Variants in MARCHF4 observed in about 807,000 individuals in gnomAD.
The protein encoded by MARCHF4 is E3 ubiquitin-protein ligase MARCHF4.
A neutral mutation model predicts 43.9 loss-of-function variants in MARCHF4; 14 were observed. That is an observed-to-expected ratio of 0.32 (90% CI 0.21 to 0.50). MARCHF4 has a LOEUF of 0.50. Among genes scored for constraint, MARCHF4 ranks in the 20% least tolerant of loss-of-function variants. MARCHF4 has a pLI of 0.98. For synonymous variants in MARCHF4, 226 were observed against 213.3 expected, an observed-to-expected ratio of 1.06 and a Z score of -0.52; for missense variants, 468 against 536.7, an observed-to-expected ratio of 0.87 and a Z score of 1.27.
At chr2:216,349,540 A>C (rs1271875437) in intron 1 of MARCHF4, among the ~76,000 whole-genome samples, 1 of 152,194 alleles carries the variant, frequency 6.6e-6, no homozygotes, top group Non-Finnish European at 1.5e-5. Flanking sequence ...TGTGCTGCAG[A>C]AGCACAGCTG....
intron 1 of MARCHF4, among the ~76,000 whole-genome samples, chr2:216,336,033 ACT>A (rs2105971760): frequency 7.2e-6 from 1 of 139,566 alleles, no homozygotes; most frequent in East Asian, 2.3e-4. Flanking sequence ...GCACCACTGC[ACT>A]CTAGCCTGAG....
intron 1 of MARCHF4, among the ~76,000 whole-genome samples, chr2:216,286,653 G>A (rs966732439): frequency 1.3e-5 from 2 of 152,178 alleles, no homozygotes; most frequent in African/African-American, 2.4e-5. Context: ...CCAGAGAAAC[G>A]AGCTATTTTA....
intron 1 of MARCHF4, among the ~76,000 whole-genome samples, chr2:216,356,131 C>T (rs568027102): frequency 1.4e-4 from 22 of 152,332 alleles, no homozygotes; most frequent in African/African-American, 4.1e-4. Flanking sequence ...CTTCAGTGTG[C>T]GAAGGCACTT....
At chr2:216,356,939 C>T (rs534073024) in intron 1 of MARCHF4, among the ~76,000 whole-genome samples, 33 of 152,068 alleles carry the variant, frequency 2.2e-4, no homozygotes, top group African/African-American at 7.7e-4. Flanking sequence ...AGGAGAATTA[C>T]TTAAACCTGG....
At chr2:216,337,611 A>G (rs13407507) in intron 1 of MARCHF4, among the ~76,000 whole-genome samples, 2,799 of 152,314 alleles carry the variant, frequency 0.018, 83 homozygotes, top group African/African-American at 0.064. Flanking sequence ...ATTAGCTTAG[A>G]AGCCAGGACA....
intron 3 of MARCHF4, among the ~76,000 whole-genome samples, chr2:216,260,008 T>C (rs1690715888): frequency 6.6e-6 from 1 of 152,220 alleles, no homozygotes; most frequent in Non-Finnish European, 1.5e-5. Flanking sequence ...CTATTATGTA[T>C]CCATGGCACC....
chr2:216,320,673 TTC>T (rs1321880049), intron 1 of MARCHF4, among the ~76,000 whole-genome samples: 11 of 95,638 alleles, frequency 1.2e-4, no homozygotes, highest in African/African-American at 3.2e-4. Flanking sequence ...CTTTCTTTCT[TTC>T]TTTTTTTTTT....
chr2:216,364,203 C>CT (rs1692631042), intron 1 of MARCHF4, among the ~76,000 whole-genome samples: 1 of 152,068 alleles, frequency 6.6e-6, no homozygotes, highest in Admixed American at 6.6e-5. Flanking sequence ...TTTGACACCG[C>CT]TTTTTTCCTA....
chr2:216,260,158 T>C (rs1690717822), intron 3 of MARCHF4, among the ~76,000 whole-genome samples: 1 of 152,236 alleles, frequency 6.6e-6, no homozygotes, highest in African/African-American at 2.4e-5. Context: ...ACTACTGAGA[T>C]ACAAACAGCC....
chr2:216,357,051 C>T (rs1001095535), intron 1 of MARCHF4, among the ~76,000 whole-genome samples: 2 of 151,886 alleles, frequency 1.3e-5, no homozygotes, highest in Non-Finnish European at 2.9e-5. Flanking sequence ...AAAGATAGCA[C>T]AAAGATTTCT....
chr2:216,280,245 C>T (rs1406762107), intron 2 of MARCHF4, among the ~76,000 whole-genome samples: 1 of 151,960 alleles, frequency 6.6e-6, no homozygotes, highest in Non-Finnish European at 1.5e-5. Context: ...TACCAGGCTG[C>T]CACCAGATCC....
At chr2:216,298,080 T>A in intron 1 of MARCHF4, among the ~76,000 whole-genome samples, 1 of 152,184 alleles carries the variant, frequency 6.6e-6, no homozygotes, top group East Asian at 1.9e-4. Flanking sequence ...TGGGATTTGG[T>A]GACCCAACTT....
chr2:216,354,894 T>TCTTTCTTTCTTTCTTC (rs1692459471), intron 1 of MARCHF4, among the ~76,000 whole-genome samples: 2 of 36,184 alleles, frequency 5.5e-5, no homozygotes, highest in African/African-American at 2.9e-4. Flanking sequence ...ATAATTGTTT[T>TCTTTCTTTCTTTCTTC]CTTTCTTTCT....
At chr2:216,362,504 A>G (rs1425327056) in intron 1 of MARCHF4, among the ~76,000 whole-genome samples, 1 of 152,244 alleles carries the variant, frequency 6.6e-6, no homozygotes, top group African/African-American at 2.4e-5. Flanking sequence ...CAATCTTTCC[A>G]TGAAGGAGAA....
chr2:216,296,899 T>C (rs1691404702), intron 1 of MARCHF4, among the ~76,000 whole-genome samples: 1 of 152,202 alleles, frequency 6.6e-6, no homozygotes. Context: ...AACCCTACTC[T>C]GGGCTCAGAG....
intron 1 of MARCHF4, among the ~76,000 whole-genome samples, chr2:216,312,814 C>A (rs1691711323): frequency 6.6e-6 from 1 of 152,014 alleles, no homozygotes; most frequent in Admixed American, 6.6e-5. Flanking sequence ...CAATTATTTT[C>A]TCCCATTCTA....
chr2:216,365,808 C>G (rs1409184234), intron 1 of MARCHF4, among the ~76,000 whole-genome samples: 2 of 152,198 alleles, frequency 1.3e-5, no homozygotes, highest in Non-Finnish European at 2.9e-5. Flanking sequence ...TGATCTCTAT[C>G]AGCCCCTGTG....
At chr2:216,283,166 G>C (rs1409424855) in intron 2 of MARCHF4, among the ~76,000 whole-genome samples, 1 of 151,956 alleles carries the variant, frequency 6.6e-6, no homozygotes. Flanking sequence ...TTTGTTTCCT[G>C]TTCTCTTCTG....
intron 1 of MARCHF4, among the ~76,000 whole-genome samples, chr2:216,343,601 A>G (rs1255840915): frequency 6.6e-6 from 1 of 152,172 alleles, no homozygotes; most frequent in African/African-American, 2.4e-5. Flanking sequence ...CTAATATCTG[A>G]GCTCCTAACT....
Sources: gnomAD v4.1 joint callset for allele counts (sites outside exome capture counted in the v4.1 genomes callset) on GRCh38, gnomAD v4.1.1 for gene constraint, MANE v1.5 for transcripts, NCBI Gene and HGNC (gene_info 2026-07-23, HGNC 2026-07-21) for gene names.